RBFOX3: variants seen among roughly 807,000 people sequenced by gnomAD.
RBFOX3 encodes RNA binding protein fox-1 homolog 3.
In RBFOX3, 17 loss-of-function variants were observed where a neutral mutation model predicts 48.7. The ratio of observed to expected loss-of-function variants is 0.35; its 90% CI spans 0.24 to 0.52. The LOEUF (loss-of-function observed/expected upper bound fraction) is 0.52. Ranked by LOEUF, RBFOX3 falls within the 20% of genes least tolerant of loss-of-function variation. RBFOX3 has a pLI of 0.94. For synonymous variants in RBFOX3, 212 were observed against 209.5 expected (o/e 1.01, Z -0.10); for missense variants, 382 against 497.5 (o/e 0.77, Z 2.21).
the RBFOX3 span, among the ~76,000 whole-genome samples, chr17:79,625,746 C>A: frequency 6.6e-6 from 1 of 152,300 alleles, no homozygotes; most frequent in Admixed American, 6.5e-5. Context: ...GAGCCGAAAT[C>A]GAGCCATTGC....
At chr17:79,500,749 G>A (rs893988289) in intron 1 of RBFOX3, among the ~76,000 whole-genome samples, 3 of 152,266 alleles carry the variant, frequency 2.0e-5, no homozygotes, top group Admixed American at 1.3e-4. Context: ...ATCCTGTGAA[G>A]CCTCAACTTC....
chr17:79,366,676 G>A (rs752342774), intron 2 of RBFOX3, among the ~76,000 whole-genome samples: 4 of 152,206 alleles, frequency 2.6e-5, no homozygotes, highest in Non-Finnish European at 5.9e-5. Context: ...TCAACTAGAG[G>A]AGGATGAATG....
intron 4 of RBFOX3, among the ~76,000 whole-genome samples, chr17:79,160,476 C>T (rs181005639): frequency 6.0e-4 from 91 of 152,314 alleles, no homozygotes; most frequent in African/African-American, 2.1e-3. Flanking sequence ...GGCAGTCCCC[C>T]GTATGTGGGG....
chr17:79,463,700 A>T (rs797043577), intron 2 of RBFOX3, among the ~76,000 whole-genome samples: 63,800 of 116,910 alleles, frequency 0.55, 17,638 homozygotes, highest in Non-Finnish European at 0.62. Flanking sequence ...CACTGCCATC[A>T]CCACTGCCAC....
chr17:79,177,527 C>T (rs541670494), intron 4 of RBFOX3, among the ~76,000 whole-genome samples: 5 of 152,210 alleles, frequency 3.3e-5, no homozygotes, highest in Non-Finnish European at 7.3e-5. Flanking sequence ...CAGCTTACCC[C>T]CCTCTGCGAG....
At chr17:79,450,788 C>G (rs11655935) in intron 2 of RBFOX3, among the ~76,000 whole-genome samples, 2 of 151,960 alleles carry the variant, frequency 1.3e-5, no homozygotes, top group Non-Finnish European at 1.5e-5. Context: ...CCCAGGGTAG[C>G]CTGCCAAGAA....
intron 1 of RBFOX3, among the ~76,000 whole-genome samples, chr17:79,547,834 G>A (rs570682914): frequency 4.9e-5 from 7 of 142,482 alleles, no homozygotes; most frequent in South Asian, 4.3e-4. Flanking sequence ...GGCTGTACTC[G>A]CACCCACACC....
At chr17:79,620,847 C>G in the RBFOX3 span, among the ~76,000 whole-genome samples, 3 of 152,212 alleles carry the variant, frequency 2.0e-5, no homozygotes, top group African/African-American at 7.2e-5. Flanking sequence ...GTTATCATTC[C>G]TGCCCTTGGG....
the RBFOX3 span, among the ~76,000 whole-genome samples, chr17:79,649,874 T>C: frequency 3.9e-4 from 60 of 151,978 alleles, no homozygotes; most frequent in Admixed American, 8.5e-4. Flanking sequence ...GTATCTTCCA[T>C]GGTGGAGCAG....
chr17:79,189,214 C>T (rs1333719232), intron 4 of RBFOX3, among the ~76,000 whole-genome samples: 1 of 152,214 alleles, frequency 6.6e-6, no homozygotes, highest in Non-Finnish European at 1.5e-5. Context: ...ATGTATCTCA[C>T]CTGATCATCA....
chr17:79,132,486 G>A (rs1171047372), intron 4 of RBFOX3, among the ~76,000 whole-genome samples: 2 of 152,224 alleles, frequency 1.3e-5, no homozygotes, highest in Non-Finnish European at 2.9e-5. Flanking sequence ...TCAGCACCCG[G>A]CACTGGGCGG....
intron 1 of RBFOX3, among the ~76,000 whole-genome samples, chr17:79,609,006 G>GGC (rs2093907402): frequency 1.3e-5 from 2 of 150,106 alleles, no homozygotes; most frequent in Non-Finnish European, 3.0e-5. Context: ...CCCATACCCG[G>GGC]CTTTCATCAG....
chr17:79,173,343 ATTC>A (rs2145817050), intron 4 of RBFOX3, among the ~76,000 whole-genome samples: 1 of 152,320 alleles, frequency 6.6e-6, no homozygotes, highest in African/African-American at 2.4e-5. Flanking sequence ...CCTCTGCTGA[ATTC>A]TTCTGGTGAT....
chr17:79,345,309 G>A (rs1487753519), intron 2 of RBFOX3, among the ~76,000 whole-genome samples: 2 of 152,184 alleles, frequency 1.3e-5, no homozygotes, highest in African/African-American at 4.8e-5. Flanking sequence ...GGTCTGTAGT[G>A]ATGTCCCCTG....
chr17:79,489,012 CTTTTGTTTTG>C (rs369821886), intron 1 of RBFOX3, among the ~76,000 whole-genome samples: 17 of 152,118 alleles, frequency 1.1e-4, no homozygotes, highest in African/African-American at 4.1e-4. Context: ...TTTTGCTTAT[CTTTTGTTTTG>C]TTTTGTTTTG....
intron 4 of RBFOX3, among the ~76,000 whole-genome samples, chr17:79,166,594 G>A (rs1038056034): frequency 3.3e-5 from 5 of 152,082 alleles, no homozygotes; most frequent in African/African-American, 7.2e-5. Context: ...CCCCAGCACC[G>A]AGATCCGGAG....
chr17:79,324,590 T>C (rs1447987543), intron 2 of RBFOX3, among the ~76,000 whole-genome samples: 1 of 152,146 alleles, frequency 6.6e-6, no homozygotes, highest in Non-Finnish European at 1.5e-5. Context: ...TTTATGAAGA[T>C]GAATCTGCAG....
At chr17:79,630,400 C>T in the RBFOX3 span, among the ~76,000 whole-genome samples, 2 of 152,094 alleles carry the variant, frequency 1.3e-5, no homozygotes, top group Non-Finnish European at 2.9e-5. Context: ...GTTCAGTGGC[C>T]AGATGCAAAC....
chr17:79,506,925 C>A (rs902624392), intron 1 of RBFOX3, among the ~76,000 whole-genome samples: 2 of 152,204 alleles, frequency 1.3e-5, no homozygotes, highest in African/African-American at 4.8e-5. Flanking sequence ...CCAGTCACCA[C>A]AGGAGGCCTG....
Sources: gnomAD v4.1 joint callset for allele counts (sites outside exome capture counted in the v4.1 genomes callset) on GRCh38, gnomAD v4.1.1 for gene constraint, MANE v1.5 for transcripts, NCBI Gene and HGNC (gene_info 2026-07-23, HGNC 2026-07-21) for gene names.